LHFPL6: variants seen among roughly 807,000 people sequenced by gnomAD.
LHFPL6 encodes LHFPL tetraspan subfamily member 6.
A neutral mutation model predicts 20.6 loss-of-function variants in LHFPL6; 9 were observed. That is an observed-to-expected ratio of 0.44 (90% CI 0.26 to 0.76). The LOEUF is 0.76. Ranked by LOEUF, LHFPL6 falls within the 30% of genes least tolerant of loss-of-function variation. The pLI, the probability that LHFPL6 is intolerant of heterozygous loss-of-function variation, is 0.20. For missense variants in LHFPL6, 218 were observed against 253.5 expected (o/e 0.86, Z 0.95); for synonymous variants, 105 against 98.7 (o/e 1.06, Z -0.38).
At chr13:39,596,254 AC>A (rs1018000790) in intron 2 of LHFPL6, among the ~76,000 whole-genome samples, 14 of 152,074 alleles carry the variant, frequency 9.2e-5, no homozygotes, top group Admixed American at 2.0e-4. Flanking sequence ...ACAGCAGCAG[AC>A]CCCCTTTATA....
At chr13:39,505,042 T>C (rs61303672) in intron 2 of LHFPL6, among the ~76,000 whole-genome samples, 14,575 of 152,236 alleles carry the variant, frequency 0.096, 1,653 homozygotes, top group East Asian at 0.61. Context: ...CCCCCAAAGC[T>C]TAGGCTTCTT....
At chr13:39,454,199 T>C (rs1433416965) in intron 2 of LHFPL6, among the ~76,000 whole-genome samples, 1 of 152,216 alleles carries the variant, frequency 6.6e-6, no homozygotes, top group Non-Finnish European at 1.5e-5. Context: ...TCTATTTCTA[T>C]AGGACAGGTT....
In LHFPL6 at chr13:39,562,433, T is replaced by C. The variant is rs769765644; in HGVS notation, c.385+38399A>G. Reference sequence around the variant, plus strand: ...ACATATACACATATACATATATACATATATACATATATACACATATATACA... The same window carrying C: ...ACATATACACATATACATATATACACATATACATATATACACATATATACA... On this transcript the variant is annotated intron_variant, in intron 2 of 3. Transcript: ENST00000379589. Among the ~76,000 whole-genome samples the C allele has an allele frequency of 1.8e-3, 157 of 86,222 alleles. 1 individual carries two copies. The highest frequency in any genetic ancestry group is 2.8e-3 in the Non-Finnish European group (97 of 34,938). The allele number at this position is 86,222 out of a possible 152,430, so 56.6% of individuals were successfully genotyped here.
chr13:39,534,928 T>G (rs570415627), intron 2 of LHFPL6, among the ~76,000 whole-genome samples: 1 of 152,274 alleles, frequency 6.6e-6, no homozygotes, highest in South Asian at 2.1e-4. Flanking sequence ...ACAACAAAAA[T>G]TTGTTCCCTC....
At chr13:39,456,673 T>C (rs75233427) in intron 2 of LHFPL6, among the ~76,000 whole-genome samples, 1,849 of 152,142 alleles carry the variant, frequency 0.012, 39 homozygotes, top group African/African-American at 0.042. Flanking sequence ...CATGGAAAAA[T>C]ACAAAAGAAC....
intron 2 of LHFPL6, among the ~76,000 whole-genome samples, chr13:39,478,784 T>G (rs778643414): frequency 7.2e-5 from 11 of 152,176 alleles, no homozygotes; most frequent in Non-Finnish European, 1.5e-5. Flanking sequence ...CTGCCTGGGA[T>G]TTACATGATC....
At chr13:39,427,264 G>T (rs1871669393) in intron 2 of LHFPL6, among the ~76,000 whole-genome samples, 3 of 152,134 alleles carry the variant, frequency 2.0e-5, no homozygotes, top group African/African-American at 7.2e-5. Context: ...ATCTGGGTTT[G>T]TCTTCTTTCT....
At chr13:39,502,649 T>C (rs1260133749) in intron 2 of LHFPL6, among the ~76,000 whole-genome samples, 1 of 151,942 alleles carries the variant, frequency 6.6e-6, no homozygotes, top group Non-Finnish European at 1.5e-5. Flanking sequence ...AGCTAGTAAG[T>C]CCAGGGTGAG....
chr13:39,459,561 C>T (rs566028188), intron 2 of LHFPL6, among the ~76,000 whole-genome samples: 10 of 151,978 alleles, frequency 6.6e-5, no homozygotes, highest in Non-Finnish European at 1.2e-4. Flanking sequence ...AACTACTGAC[C>T]ATTCTATCCT....
At chr13:39,473,813 A>AATGG (rs1254042507) in intron 2 of LHFPL6, among the ~76,000 whole-genome samples, 1 of 152,206 alleles carries the variant, frequency 6.6e-6, no homozygotes, top group Non-Finnish European at 1.5e-5. Flanking sequence ...ACTGAATAAA[A>AATGG]CCATCAATGC....
chr13:39,363,937 A>G (rs1158014486), intron 3 of LHFPL6, among the ~76,000 whole-genome samples: 1 of 152,190 alleles, frequency 6.6e-6, no homozygotes, highest in African/African-American at 2.4e-5. Context: ...ACACTCTGCT[A>G]ATGCATTATT....
At chr13:39,486,118 T>G (rs1868716907) in intron 2 of LHFPL6, among the ~76,000 whole-genome samples, 1 of 152,126 alleles carries the variant, frequency 6.6e-6, no homozygotes, top group African/African-American at 2.4e-5. Context: ...TGCCAACATC[T>G]GATAGAACCA....
chr13:39,374,853 G>A (rs1262557363), intron 3 of LHFPL6, among the ~76,000 whole-genome samples: 2 of 152,100 alleles, frequency 1.3e-5, no homozygotes, highest in Admixed American at 1.3e-4. Context: ...TTTATTCATT[G>A]CTGATGCCAC....
chr13:39,550,206 G>A (rs2138511256), intron 2 of LHFPL6, among the ~76,000 whole-genome samples: 1 of 152,164 alleles, frequency 6.6e-6, no homozygotes, highest in South Asian at 2.1e-4. Flanking sequence ...TGGCTTTCTG[G>A]AAAAGGGAAA....
At chr13:39,344,096 G>A (rs1208317609) in intron 3 of LHFPL6, 42 bp from the exon 4 acceptor site, 2 of 1,536,444 alleles carry the variant, frequency 1.3e-6, no homozygotes, top group Admixed American at 3.4e-5. Context: ...CACAGATGAG[G>A]ATGATTTTGC....
At chr13:39,373,436 C>T (rs1184564813) in intron 3 of LHFPL6, among the ~76,000 whole-genome samples, 10 of 152,220 alleles carry the variant, frequency 6.6e-5, no homozygotes, top group Admixed American at 3.9e-4. Flanking sequence ...TGAGGCTACG[C>T]ATTCCCATTC....
intron 2 of LHFPL6, among the ~76,000 whole-genome samples, chr13:39,456,623 A>G (rs1001096315): frequency 2.6e-5 from 4 of 152,234 alleles, no homozygotes. Flanking sequence ...GAGAAGAGAT[A>G]GACTTTTCCA....
chr13:39,426,953 C>T (rs1466418398), intron 2 of LHFPL6, among the ~76,000 whole-genome samples: 2 of 151,602 alleles, frequency 1.3e-5, no homozygotes, highest in Admixed American at 1.3e-4. Context: ...AGATATGGAT[C>T]AAATTTCATT....
intron 2 of LHFPL6, among the ~76,000 whole-genome samples, chr13:39,551,724 C>G (rs1368149891): frequency 6.6e-6 from 1 of 152,134 alleles, no homozygotes; most frequent in East Asian, 1.9e-4. Context: ...CATGCAAGGA[C>G]ACAGTATCTC....
Sources: allele counts gnomAD v4.1 joint callset (sites outside exome capture counted in the v4.1 genomes callset), GRCh38; gene constraint gnomAD v4.1.1; transcripts MANE v1.5; gene names NCBI Gene and HGNC (gene_info 2026-07-23, HGNC 2026-07-21).